RBFOX1: variants seen among roughly 807,000 people sequenced by gnomAD.
The protein encoded by RBFOX1 is RNA binding fox-1 homolog 1.
RBFOX1 carries 8 observed loss-of-function variants against 57.7 expected under a neutral mutation model. The ratio of observed to expected loss-of-function variants is 0.14; its 90% confidence interval spans 0.08 to 0.25. RBFOX1 has a LOEUF of 0.25. Among genes scored for constraint, RBFOX1 ranks in the 10% least tolerant of loss-of-function variants. The pLI, the probability that RBFOX1 is intolerant of heterozygous loss-of-function variation, is 1.00. For missense variants in RBFOX1, 611 were observed against 548.5 expected (o/e 1.11, Z -1.14); for synonymous variants, 326 against 222.4 (o/e 1.47, Z -4.15).
chr16:5,290,900 T>C (rs954420563), intron 1 of RBFOX1, among the ~76,000 whole-genome samples: 5 of 152,056 alleles, frequency 3.3e-5, no homozygotes, highest in African/African-American at 1.2e-4. Context: ...GGTTTCACCA[T>C]GTTGACCAGG....
intron 4 of RBFOX1, among the ~76,000 whole-genome samples, chr16:7,389,496 G>C (rs927061672): frequency 2.0e-5 from 3 of 152,256 alleles, no homozygotes; most frequent in Non-Finnish European, 4.4e-5. Context: ...CTTGATCTTT[G>C]TTCTGGACTC....
At position 5,321,321 on chromosome 16, in the gene RBFOX1, C is replaced by CTTTT. The variant is rs869180571; in HGVS notation, c.219+81217_219+81220dup. 4.8e-5 allele frequency among the ~76,000 whole-genome samples: 3 copies of CTTTT among 62,654 alleles called. 1 individual carries two copies. Among genetic ancestry groups the CTTTT allele is most frequent in the Non-Finnish European group, 1.6e-4 (3 of 19,128 alleles). 41.1% of individuals were successfully genotyped at this position (62,654 alleles called of 152,430 possible). A position where few individuals can be genotyped will look rare whatever the true frequency, so the allele number is the denominator to read the frequency against. ...CTAAAACATGAGATATAAGAGATAA[C>CTTTT]TTTTGTTTTTTTTTTTGAGATGGAG... is the stretch of plus-strand genomic sequence containing the variant. On this transcript the variant is annotated intron_variant, in intron 1 of 2. Coordinates refer to the RBFOX1 transcript ENST00000585867.
At chr16:6,350,476 A>C (rs1567992863) in intron 2 of RBFOX1, among the ~76,000 whole-genome samples, 2 of 101,200 alleles carry the variant, frequency 2.0e-5, no homozygotes. Flanking sequence ...AAAAAAAAAA[A>C]AAAAAAAAAA....
At chr16:7,037,228 CTTTTTTTTT>C (rs889539532) in intron 3 of RBFOX1, among the ~76,000 whole-genome samples, 12 of 80,526 alleles carry the variant, frequency 1.5e-4, no homozygotes, top group Admixed American at 4.1e-4. Flanking sequence ...GTCTTAGCCT[CTTTTTTTTT>C]TTTTTTTTTT....
intron 2 of RBFOX1, among the ~76,000 whole-genome samples, chr16:6,582,974 C>G (rs1483758750): frequency 6.6e-6 from 1 of 150,662 alleles, no homozygotes; most frequent in Non-Finnish European, 1.5e-5. Flanking sequence ...TCTATTAATT[C>G]TGGACCTCCC....
intron 3 of RBFOX1, among the ~76,000 whole-genome samples, chr16:6,665,272 C>A (rs1449976371): frequency 6.6e-6 from 1 of 152,076 alleles, no homozygotes; most frequent in African/African-American, 2.4e-5. Context: ...CCCTCAGCCA[C>A]CCCAGCAGTG....
At chr16:6,769,352 G>T (rs577079256) in intron 3 of RBFOX1, among the ~76,000 whole-genome samples, 4 of 152,268 alleles carry the variant, frequency 2.6e-5, no homozygotes, top group Admixed American at 6.5e-5. Flanking sequence ...TCTTTCTCCC[G>T]TAAGTTGCCT....
intron 1 of RBFOX1, among the ~76,000 whole-genome samples, chr16:6,069,893 A>C (rs746137022): frequency 2.0e-5 from 3 of 152,124 alleles, no homozygotes; most frequent in Non-Finnish European, 2.9e-5. Context: ...AGGCTGAGGC[A>C]GGAGAATCAC....
intron 1 of RBFOX1, among the ~76,000 whole-genome samples, chr16:6,068,386 T>C (rs9936222): frequency 0.93 from 141,502 of 152,264 alleles, 65,822 homozygotes; most frequent in African/African-American, 0.96. Flanking sequence ...AGCCAGTGCC[T>C]TTATACAAAG....
intron 3 of RBFOX1, among the ~76,000 whole-genome samples, chr16:5,766,255 G>C (rs1038485756): frequency 2.0e-5 from 3 of 152,160 alleles, no homozygotes; most frequent in African/African-American, 7.2e-5. Context: ...GGCCACAGGA[G>C]GAGCAAGAGA....
At chr16:5,888,403 T>C (rs1048383148) in intron 4 of RBFOX1, among the ~76,000 whole-genome samples, 4 of 152,206 alleles carry the variant, frequency 2.6e-5, no homozygotes, top group African/African-American at 9.6e-5. Context: ...TGCTTAAAAG[T>C]GTTTTATTCT....
At chr16:6,897,040 G>A (rs955709494) in intron 3 of RBFOX1, among the ~76,000 whole-genome samples, 1 of 152,172 alleles carries the variant, frequency 6.6e-6, no homozygotes, top group African/African-American at 2.4e-5. Flanking sequence ...GCCCAGACCT[G>A]AGCTCTCCAC....
chr16:6,818,619 C>T (rs766845784), intron 3 of RBFOX1, among the ~76,000 whole-genome samples: 3 of 152,186 alleles, frequency 2.0e-5, no homozygotes, highest in Non-Finnish European at 2.9e-5. Context: ...ATGTATCACT[C>T]AGCACCTGTG....
intron 2 of RBFOX1, among the ~76,000 whole-genome samples, chr16:6,564,353 A>T (rs114488322): frequency 0.015 from 2,243 of 152,234 alleles, 71 homozygotes; most frequent in African/African-American, 0.051. Flanking sequence ...AAAGAAGGAA[A>T]TACTGTGTTC....
chr16:6,261,945 GC>G lies in RBFOX1; in HGVS notation c.-126-55049del, dbSNP rs1435066741. Among the ~76,000 whole-genome samples, 17 of 152,048 alleles carry G rather than the reference GC, an allele frequency of 1.1e-4. 1 individual carries two copies. The highest frequency in any genetic ancestry group is 1.1e-3 in the Admixed American group (17 of 15,258). ...CTTGGGAGGCTGAGGCATGAGAGTT[GC>G]TTGAACCCAGAGACAAAGGATGCAG... On this transcript the variant is annotated intron_variant, in intron 1 of 15. Coordinates refer to ENST00000550418, the MANE Select transcript of RBFOX1 (RefSeq NM_018723.4).
At chr16:7,227,434 C>T (rs890403865) in intron 4 of RBFOX1, among the ~76,000 whole-genome samples, 23 of 152,124 alleles carry the variant, frequency 1.5e-4, no homozygotes, top group African/African-American at 5.3e-4. Context: ...GCTCTGTCCC[C>T]AACCGTATTA....
intron 3 of RBFOX1, among the ~76,000 whole-genome samples, chr16:6,986,777 C>T (rs866469737): frequency 6.6e-6 from 1 of 152,102 alleles, no homozygotes; most frequent in Non-Finnish European, 1.5e-5. Context: ...GCCTCCTCCA[C>T]TTGCCTTTAA....
intron 4 of RBFOX1, among the ~76,000 whole-genome samples, chr16:7,330,525 T>TGTAG (rs1441570396): frequency 3.0e-5 from 4 of 132,906 alleles, no homozygotes; most frequent in African/African-American, 1.2e-4. Context: ...TGTGTGTGTG[T>TGTAG]AGAGAGAGAG....
chr16:7,556,770 T>A (rs1381260608), intron 5 of RBFOX1, among the ~76,000 whole-genome samples: 1 of 152,226 alleles, frequency 6.6e-6, no homozygotes, highest in Non-Finnish European at 1.5e-5. Flanking sequence ...AGAGGTATCA[T>A]GGGGATAAAT....
Sources: allele counts gnomAD v4.1 joint callset (sites outside exome capture counted in the v4.1 genomes callset), GRCh38; gene constraint gnomAD v4.1.1; transcripts MANE v1.5; gene names NCBI Gene and HGNC (gene_info 2026-07-23, HGNC 2026-07-21).